Variants in CLUH observed in about 807,000 individuals in gnomAD.
CLUH encodes the protein CLUH binding protein of NUMT mRNA.
In CLUH, 77 loss-of-function variants were observed where a neutral mutation model predicts 139.3. That is an observed-to-expected ratio of 0.55 (90% CI 0.46 to 0.67). CLUH has a LOEUF of 0.67. Ranked by LOEUF, CLUH falls within the 30% of genes least tolerant of loss-of-function variation. CLUH has a pLI of 0.00. For missense variants in CLUH, 1,876 were observed against 1,875.8 expected, an observed-to-expected ratio of 1.00 and a Z score of 0.00; for synonymous variants, 999 against 801.6, an observed-to-expected ratio of 1.25 and a Z score of -4.16.
chr17:2,691,974 CCCCG>C (rs778529472), intron 23 of CLUH, 26 bp downstream of exon 23: 89 of 536,978 alleles, frequency 1.7e-4, no homozygotes, highest in Non-Finnish European at 1.9e-4. Context: ...CCCGCCCCGC[CCCCG>C]CCCCCGCCAC....
chr17:2,690,866 G>A (rs2069598159), intron 25 of CLUH, 89 bp from the exon 26 acceptor site: 1 of 1,044,622 alleles, frequency 9.6e-7, no homozygotes, highest in South Asian at 2.0e-5. Flanking sequence ...ATAAGCTCAG[G>A]CTCTGCGCTC....
In CLUH at chr17:2,690,678, G is replaced by T. The variant is rs202053376; in HGVS notation, c.3963C>A (p.Thr1321=). The stretch of plus-strand genomic sequence containing the variant: ...CTGGGGCCCCCGCTGGCGCGGGCTC[G>T]GTAGCCATGGGCTCCTCGGCTCTAT... ...NRDRAEEPMA[T]EPAPAGAPGD... is the part of the protein sequence containing the mutation. The change falls in exon 26 of 26, where the codon ACC becomes ACA. Residue 1321 remains threonine (T), a synonymous_variant. Transcript: ENST00000651024. The T allele has an allele frequency of 3.8e-6, 6 of 1,562,628 alleles. No homozygotes were observed. The East Asian group carries it at 1.5e-4, about 38-fold the overall frequency.
chr17:2,699,910 A>G (rs1263871443), intron 9 of CLUH, among the ~76,000 whole-genome samples: 4 of 152,192 alleles, frequency 2.6e-5, no homozygotes, highest in Non-Finnish European at 5.9e-5. Flanking sequence ...GATTACAGGC[A>G]TGAGCTACTG....
intron 19 of CLUH, among the ~76,000 whole-genome samples, chr17:2,693,596 G>A (rs1253556947): frequency 1.3e-5 from 2 of 152,060 alleles, no homozygotes; most frequent in African/African-American, 4.8e-5. Context: ...GGGCACAGAG[G>A]ACGTGGGAGC....
intron 11 of CLUH, 77 bp downstream of exon 11, chr17:2,696,642 C>T: frequency 6.4e-7 from 1 of 1,565,522 alleles, no homozygotes; most frequent in Non-Finnish European, 8.7e-7. Flanking sequence ...GTCTGCCAGC[C>T]TCTCCCAGGT....
In CLUH at chr17:2,698,684, C is replaced by G. The variant is rs973939509; in HGVS notation, c.1267-94G>C. On this transcript the variant is annotated intron_variant, in intron 9 of 25. Coordinates refer to ENST00000651024, the MANE Select transcript of CLUH (RefSeq NM_001366661.1). ...GCACGCACCTAGACCGCGGAGGCAA[C>G]CGGGCCTGCCTTGGAAACCCAAGGA... The G allele has an allele frequency of 4.2e-6, 5 of 1,185,628 alleles. No individual in the cohort carries two copies. The African/African-American group carries it at 7.7e-5, about 18-fold the overall frequency. 73.4% of individuals were successfully genotyped at this position (1,185,628 alleles called of 1,614,324 possible).
chr17:2,710,618 G>T (rs2070485356), intron 1 of CLUH, among the ~76,000 whole-genome samples: 2 of 152,188 alleles, frequency 1.3e-5, no homozygotes, highest in Non-Finnish European at 2.9e-5. Flanking sequence ...GAGGGCCTGG[G>T]AAGGGGATTC....
In CLUH at chr17:2,696,224, G is replaced by A. The variant is rs200722517; in HGVS notation, c.2326C>T (p.Arg776Trp). The change falls in exon 13 of 26, where the codon CGG (arginine) becomes TGG (tryptophan). Residue 776 changes from arginine (R) to tryptophan (W), a missense_variant. Coordinates refer to ENST00000651024, the MANE Select transcript of CLUH (RefSeq NM_001366661.1). ...RFPESCQDEV[R>W]DQKQLLKDAA... ...TCCTTCAGCAGCTGCTTCTGGTCCC[G>A]AACTTCATCCTGGCAGGACTCAGGG... The A allele has an allele frequency of 6.3e-5, 99 of 1,576,634 alleles. No homozygotes were observed. The East Asian group carries it at 1.5e-3, about 24-fold the overall frequency.
rs367657982 is a variant in CLUH, at chr17:2,695,457, G to A, written c.2461C>T (p.Arg821Trp). ...CCCAGGTAGCGCATGTTGATGCCCC[G>A]CTGGCGCATCACCTCTGCCAGCGTT... ...GATLAEVMRQRGINMRYLGKV... is the reference protein window; with the variant it reads ...GATLAEVMRQWGINMRYLGKV... Residue 821 changes from arginine to tryptophan, a missense_variant, in exon 14 of 26, where the codon CGG (arginine) becomes TGG (tryptophan). Transcript: ENST00000651024. 3 of 1,611,534 alleles carry A rather than the reference G, an allele frequency of 1.9e-6. No individual in the cohort carries two copies. Among genetic ancestry groups the A allele is most frequent in the African/African-American group, 1.3e-5 (1 of 75,042 alleles).
Position 2,704,268 on chromosome 17 carries a change from G to T in CLUH, c.303+94C>A. On this transcript the variant is annotated intron_variant, in intron 2 of 25. Transcript: ENST00000651024. This position sits in a 1 kb window ranked among gnomAD's most constrained non-coding sequence, Gnocchi z 5.7. ...GATCCTCAGTTTCCTGCCACAAAAT[G>T]GGGCCGGTAGGAGCACGAGCAAGGC... 1.5e-6 allele frequency: 2 copies of T among 1,326,750 alleles called. No homozygotes were observed. Among genetic ancestry groups the T allele is most frequent in the Non-Finnish European group, 1.0e-6 (1 of 970,456 alleles). 82.2% of individuals were successfully genotyped at this position (1,326,750 alleles called of 1,614,324 possible). A position where few individuals can be genotyped will look rare whatever the true frequency, so the allele number is the denominator to read the frequency against.
chr17:2,692,511 C>G (rs2069734801), intron 21 of CLUH, 29 bp from the exon 22 acceptor site: 1 of 1,597,204 alleles, frequency 6.3e-7, no homozygotes, highest in Non-Finnish European at 8.5e-7. Flanking sequence ...GGGCCCTGGT[C>G]AGCTCCCGGT....
rs370979104 is a variant in CLUH, at chr17:2,695,478, G to A, written c.2440C>T (p.Leu814=). The A allele has an allele frequency of 5.9e-5, 95 of 1,609,842 alleles. No individual in the cohort carries two copies. In the Middle Eastern group the frequency reaches 6.6e-4, roughly 11 times the overall value. ...CCCCGCTGGCGCATCACCTCTGCCA[G>A]CGTTGCCCCGTCCACGGGCAGGACC... ...HAVLPVDGAT[L]AEVMRQRGIN... Residue 814 remains leucine (L), a synonymous_variant, in exon 14 of 26, where the codon CTG becomes TTG. Transcript: ENST00000651024.
In CLUH at chr17:2,696,268, G is replaced by T. The variant is rs1466563941; in HGVS notation, c.2291-9C>A. ...CTCAGGGAAACGAACCCCTGGAGGA[G>T]GGAGAGCAGAGAGGCTGAGCCAGGC... On this transcript the variant is annotated splice_polypyrimidine_tract_variant and intron_variant, in intron 12 of 25. Transcript: ENST00000651024. 6.4e-7 allele frequency: 1 copy of T among 1,565,774 alleles called. No homozygotes were observed.
intron 1 of CLUH, among the ~76,000 whole-genome samples, chr17:2,709,041 G>C (rs796460826): frequency 6.6e-6 from 1 of 152,208 alleles, no homozygotes; most frequent in Non-Finnish European, 1.5e-5. Flanking sequence ...CTGCATACAC[G>C]CAAACTCAGA....
chr17:2,711,886 C>G (rs2151730452), upstream of CLUH: 2 of 152,574 alleles, frequency 1.3e-5, no homozygotes, highest in South Asian at 4.1e-4. Flanking sequence ...GTTCCCCGCC[C>G]ACGGACGCGG....
At position 2,689,661 on chromosome 17, in the gene CLUH, G is replaced by C. The variant is rs570337445; in HGVS notation, c.*933C>G. 1 of 153,092 alleles carries C rather than the reference G, an allele frequency of 6.5e-6. No homozygotes were observed. The highest frequency in any genetic ancestry group is 2.4e-5 in the African/African-American group (1 of 41,568). The allele number at this position is 153,092 out of a possible 1,614,324, so 9.5% of individuals were successfully genotyped here. A position where few individuals can be genotyped will look rare whatever the true frequency, so the allele number is the denominator to read the frequency against. On this transcript the variant is annotated 3_prime_UTR_variant, in exon 26 of 26. Coordinates refer to ENST00000651024, the MANE Select transcript of CLUH (RefSeq NM_001366661.1). ...GCAGCAGCACGGGCAGGGTGGAGCG[G>C]GAGCAGCGTGTGGGGGCCCCCGCCA...
At chr17:2,695,187 C>T (rs1166072620) in intron 15 of CLUH, 31 bp downstream of exon 15, 2 of 1,613,708 alleles carry the variant, frequency 1.2e-6, no homozygotes, top group Admixed American at 1.7e-5. Flanking sequence ...CCTGGGAGGC[C>T]ATGGCCAGCC....
chr17:2,708,349 C>T (rs2070408473), intron 1 of CLUH, among the ~76,000 whole-genome samples: 1 of 152,008 alleles, frequency 6.6e-6, no homozygotes, highest in South Asian at 2.1e-4. Context: ...TACACCCTAA[C>T]CCTCCGGAGA....
At chr17:2,702,210 T>C (rs1052183602) in intron 3 of CLUH, among the ~76,000 whole-genome samples, 153 bp from the exon 4 acceptor site, 2 of 152,176 alleles carry the variant, frequency 1.3e-5, no homozygotes, top group Non-Finnish European at 2.9e-5. Flanking sequence ...ACACATAAGC[T>C]GGAGTTCTGG....
Sources: gnomAD v4.1 joint callset for allele counts (sites outside exome capture counted in the v4.1 genomes callset) on GRCh38, gnomAD v4.1.1 for gene constraint, Gnocchi (gnomAD v3.1) non-coding constraint, MANE v1.5 for transcripts, NCBI Gene and HGNC (gene_info 2026-07-23, HGNC 2026-07-21) for gene names.